Variants in NIBAN1 observed in about 807,000 individuals in gnomAD.
NIBAN1 encodes the protein niban apoptosis regulator 1.
A neutral mutation model predicts 75.1 loss-of-function variants in NIBAN1; 81 were observed. The observed-to-expected ratio is 1.08, with a 90% CI of 0.90 to 1.30. The LOEUF is 1.30. Among genes scored for constraint, NIBAN1 ranks in the 50% most tolerant of loss-of-function variants. The pLI is 0.00. For missense variants in NIBAN1, 1,133 were observed against 1,128.1 expected, an observed-to-expected ratio of 1.00 and a Z score of -0.06; for synonymous variants, 436 against 424.8, an observed-to-expected ratio of 1.03 and a Z score of -0.32.
chr1:184,832,522 C>A (rs1228111690), intron 5 of NIBAN1, among the ~76,000 whole-genome samples: 1 of 152,154 alleles, frequency 6.6e-6, no homozygotes, highest in Non-Finnish European at 1.5e-5. Flanking sequence ...CACAAAAACC[C>A]TCGAGGAGAG....
intron 1 of NIBAN1, among the ~76,000 whole-genome samples, chr1:184,911,062 T>TAC (rs35550596): frequency 0.14 from 20,329 of 144,328 alleles, 1,399 homozygotes; most frequent in African/African-American, 0.18. Flanking sequence ...TTATAACAAA[T>TAC]ACACACACAC....
chr1:184,799,324 A>C (rs1320482101), intron 12 of NIBAN1, among the ~76,000 whole-genome samples: 5 of 149,876 alleles, frequency 3.3e-5, no homozygotes, highest in African/African-American at 1.2e-4. Context: ...TAGTTTACTG[A>C]GAATGATGAT....
chr1:184,809,314 G>A (rs1180228730), intron 9 of NIBAN1, among the ~76,000 whole-genome samples: 2 of 152,132 alleles, frequency 1.3e-5, no homozygotes, highest in Non-Finnish European at 2.9e-5. Flanking sequence ...TCACCAAATG[G>A]AATGTGTCTA....
chr1:184,839,676 A>C (rs1571508397), intron 5 of NIBAN1, among the ~76,000 whole-genome samples: 3 of 149,058 alleles, frequency 2.0e-5, no homozygotes, highest in African/African-American at 2.5e-5. Flanking sequence ...GTTCACTGCA[A>C]CCTCCACCTC....
At chr1:184,969,649 G>A (rs1386512236) in intron 1 of NIBAN1, among the ~76,000 whole-genome samples, 1 of 151,874 alleles carries the variant, frequency 6.6e-6, no homozygotes, top group Non-Finnish European at 1.5e-5. Context: ...CCTTAAATGG[G>A]GCTAGTGTCT....
chr1:184,906,317 A>G (rs188141061), intron 1 of NIBAN1, among the ~76,000 whole-genome samples: 8 of 151,650 alleles, frequency 5.3e-5, no homozygotes. Flanking sequence ...TTGAAATTCA[A>G]TTCATATCTG....
At chr1:184,960,620 AAAATG>A (rs1658605632) in intron 1 of NIBAN1, among the ~76,000 whole-genome samples, 1 of 46,886 alleles carries the variant, frequency 2.1e-5, no homozygotes, top group African/African-American at 8.8e-5. Flanking sequence ...CAACAACAAC[AAAATG>A]TTGTTGTTGT....
chr1:184,887,346 T>C (rs1656553661), intron 4 of NIBAN1, among the ~76,000 whole-genome samples: 1 of 152,124 alleles, frequency 6.6e-6, no homozygotes, highest in South Asian at 2.1e-4. Flanking sequence ...ACACCTGTAG[T>C]TGTAACACAG....
intron 6 of NIBAN1, 61 bp downstream of exon 6, chr1:184,831,786 A>C: frequency 8.5e-7 from 1 of 1,171,452 alleles, no homozygotes; most frequent in East Asian, 2.3e-5. Flanking sequence ...AATGACCCTG[A>C]CTTCGTATCA....
chr1:184,817,782 A>C (rs1654580074), intron 9 of NIBAN1, among the ~76,000 whole-genome samples: 1 of 152,236 alleles, frequency 6.6e-6, no homozygotes, highest in Non-Finnish European at 1.5e-5. Context: ...CTTGTGGATG[A>C]ACTGTAACCT....
chr1:184,850,771 A>G (rs2102263125), intron 5 of NIBAN1, among the ~76,000 whole-genome samples: 1 of 18,768 alleles, frequency 5.3e-5, no homozygotes, highest in South Asian at 1.7e-3. Flanking sequence ...ATGAACTCAA[A>G]CAAATTTACA....
intron 1 of NIBAN1, among the ~76,000 whole-genome samples, chr1:184,922,918 T>C (rs1657597675): frequency 6.6e-6 from 1 of 152,220 alleles, no homozygotes; most frequent in South Asian, 2.1e-4. Flanking sequence ...TTAACTTAGA[T>C]TGTTTCTTAT....
Position 184,899,179 on chromosome 1 carries a change from C to G in NIBAN1, c.186G>C (p.Lys62Asn), listed in dbSNP as rs367640344. The G allele has an allele frequency of 5.6e-5, 91 of 1,613,554 alleles. No individual in the cohort carries two copies. Among genetic ancestry groups the G allele is most frequent in the Non-Finnish European group, 7.0e-5 (82 of 1,179,710 alleles). ...RDLTSQFLKT[K>N]PPLAPGTILY... The stretch of plus-strand genomic sequence containing the variant: ...TGTAAACCAAATATCCATGGCTTAC[C>G]TTGGTCTTCAAAAACTGTGACGTTA... Residue 62 changes from lysine (K) to asparagine (N), a missense_variant and splice_region_variant, in exon 2 of 14, where the codon AAG (lysine) becomes AAC (asparagine). Transcript: ENST00000367511.
chr1:184,885,018 C>A (rs757598288), intron 4 of NIBAN1, among the ~76,000 whole-genome samples: 2 of 152,140 alleles, frequency 1.3e-5, no homozygotes, highest in African/African-American at 2.4e-5. Flanking sequence ...TCCTACCCAA[C>A]ATCACAGGGA....
At chr1:184,880,260 A>G (rs1656343019) in intron 5 of NIBAN1, among the ~76,000 whole-genome samples, 1 of 152,172 alleles carries the variant, frequency 6.6e-6, no homozygotes, top group Admixed American at 6.5e-5. Context: ...CTCTGGTGCA[A>G]GCTACTGCCA....
chr1:184,807,666 G>A (rs1013396377), intron 10 of NIBAN1, among the ~76,000 whole-genome samples: 1 of 152,168 alleles, frequency 6.6e-6, no homozygotes, highest in African/African-American at 2.4e-5. Flanking sequence ...GCACATGCCT[G>A]TAGTCCCAGC....
chr1:184,842,051 GGGA>G (rs1353613196), intron 5 of NIBAN1, among the ~76,000 whole-genome samples: 4 of 152,102 alleles, frequency 2.6e-5, no homozygotes, highest in African/African-American at 9.7e-5. Context: ...GAGGGAACGT[GGGA>G]GGAGAAGAAA....
At chr1:184,804,330 G>T (rs1418778072) in intron 11 of NIBAN1, among the ~76,000 whole-genome samples, 1 of 152,190 alleles carries the variant, frequency 6.6e-6, no homozygotes, top group Non-Finnish European at 1.5e-5. Context: ...AGATGAAGGT[G>T]TTTATACTGG....
intron 5 of NIBAN1, among the ~76,000 whole-genome samples, chr1:184,851,733 C>T (rs1290720120): frequency 6.6e-6 from 1 of 151,552 alleles, no homozygotes; most frequent in East Asian, 1.9e-4. Context: ...AAAGGGAATG[C>T]ATAAGAAATA....
Sources: gnomAD v4.1 joint callset for allele counts (sites outside exome capture counted in the v4.1 genomes callset) on GRCh38, gnomAD v4.1.1 for gene constraint, MANE v1.5 for transcripts, NCBI Gene and HGNC (gene_info 2026-07-23, HGNC 2026-07-21) for gene names.